CIAPIN1: variants seen among roughly 807,000 people sequenced by gnomAD.
CIAPIN1 encodes cytokine induced apoptosis inhibitor 1.
A neutral mutation model predicts 34.3 loss-of-function variants in CIAPIN1; 18 were observed. The observed-to-expected ratio is 0.52, with a 90% CI of 0.36 to 0.78. CIAPIN1 has a LOEUF of 0.78. Among genes scored for constraint, CIAPIN1 ranks in the 30% least tolerant of loss-of-function variants. The pLI, the probability that CIAPIN1 is intolerant of heterozygous loss-of-function variation, is 0.00. For missense variants in CIAPIN1, 310 were observed against 372.5 expected (o/e 0.83, Z 1.38); for synonymous variants, 131 against 140.4 (o/e 0.93, Z 0.47).
intron 1 of CIAPIN1, among the ~76,000 whole-genome samples, chr16:57,441,609 A>T (rs1389488567): frequency 1.3e-5 from 2 of 152,218 alleles, no homozygotes. Context: ...ACCATTTTAC[A>T]GTCTGGAAAC....
intron 4 of CIAPIN1, among the ~76,000 whole-genome samples, chr16:57,436,429 T>A (rs1337321494): frequency 6.6e-6 from 1 of 151,996 alleles, no homozygotes; most frequent in African/African-American, 2.4e-5. Flanking sequence ...GGGGTTTCAC[T>A]GTGTTAGCCA....
Position 57,430,446 on chromosome 16 carries a change from C to T in CIAPIN1, c.747-107G>A, listed in dbSNP as rs532611406. 3 of 1,008,908 alleles carry T rather than the reference C, an allele frequency of 3.0e-6. No homozygotes were observed. In the East Asian group the frequency reaches 7.3e-5, roughly 25 times the overall value. 62.5% of individuals were successfully genotyped at this position (1,008,908 alleles called of 1,614,324 possible). A position where few individuals can be genotyped will look rare whatever the true frequency, so the allele number is the denominator to read the frequency against. The stretch of plus-strand genomic sequence containing the variant: ...AAGCCTTTTCTCTTCACACCAGTGT[C>T]ATAACTCAGAAGCCTATAGGCCAGG... On this transcript the variant is annotated intron_variant, in intron 7 of 8. Coordinates refer to ENST00000394391, the MANE Select transcript of CIAPIN1 (RefSeq NM_020313.4).
intron 5 of CIAPIN1, among the ~76,000 whole-genome samples, chr16:57,433,273 C>G (rs1488323946): frequency 6.6e-6 from 1 of 152,168 alleles, no homozygotes. Flanking sequence ...GGTAAGAGTA[C>G]CCTCTAGTGA....
chr16:57,440,246 T>C (rs1054108655), intron 2 of CIAPIN1, among the ~76,000 whole-genome samples: 1 of 152,174 alleles, frequency 6.6e-6, no homozygotes. Flanking sequence ...GCTGTCTGCT[T>C]TCAAACCCTG....
At chr16:57,436,924 A>G (rs528855382) in intron 3 of CIAPIN1, among the ~76,000 whole-genome samples, 192 bp from the exon 4 acceptor site, 16 of 151,986 alleles carry the variant, frequency 1.1e-4, no homozygotes, top group Non-Finnish European at 1.5e-4. Context: ...TTCAAGACCA[A>G]TCTGGGGCCA....
At chr16:57,434,668 T>C (rs2146560944) in intron 4 of CIAPIN1, among the ~76,000 whole-genome samples, 1 of 152,342 alleles carries the variant, frequency 6.6e-6, no homozygotes, top group Admixed American at 6.5e-5. Context: ...GTGCCACCTC[T>C]ATGTCCAATA....
chr16:57,439,295 C>T lies in CIAPIN1; in HGVS notation c.197G>A (p.Gly66Asp). The change falls in exon 3 of 9, where the codon GGT becomes GAT. Residue 66 changes from glycine to aspartate, a missense_variant. Physicochemically the swap from Gly to Asp is moderately conservative, Grantham distance 94 (BLOSUM62 -1). Transcript: ENST00000394391. ...CAGAGTGGTGCTTCCTGGGACTAAACCTGACAAAATAATGTCAAAGCTGGA... is the reference window on the plus strand; with the variant it reads ...CAGAGTGGTGCTTCCTGGGACTAAATCTGACAAAATAATGTCAAAGCTGGA... ...KESSFDIILS[G>D]LVPGSTTLHS... 2 of 1,614,100 alleles carry T rather than the reference C, an allele frequency of 1.2e-6. No individual in the cohort carries two copies. The highest frequency in any genetic ancestry group is 1.1e-5 in the South Asian group (1 of 91,080).
In CIAPIN1 at chr16:57,431,140, C is replaced by G; in HGVS notation, c.746+11G>C. ...GGCAGCATGGCAGGCTCCAGTCACC[C>G]CAGCACTCACCAGTTCTTACAGGCC... On this transcript the variant is annotated intron_variant, in intron 7 of 8. Coordinates refer to ENST00000394391, the MANE Select transcript of CIAPIN1 (RefSeq NM_020313.4). The G allele has an allele frequency of 6.4e-7, 1 of 1,574,658 alleles. No individual in the cohort carries two copies. Among genetic ancestry groups the G allele is most frequent in the Non-Finnish European group, 8.7e-7 (1 of 1,145,508 alleles).
intron 7 of CIAPIN1, chr16:57,430,591 T>C: frequency 2.4e-6 from 1 of 415,546 alleles, no homozygotes; most frequent in Non-Finnish European, 4.3e-6. Flanking sequence ...CTGGTTATCA[T>C]GCTGGGGAAA....
chr16:57,434,795 G>A (rs1347660524), intron 4 of CIAPIN1, among the ~76,000 whole-genome samples: 1 of 152,116 alleles, frequency 6.6e-6, no homozygotes, highest in Admixed American at 6.5e-5. Context: ...ATCTAAGGGT[G>A]GGAAAAAAGG....
intron 1 of CIAPIN1, among the ~76,000 whole-genome samples, chr16:57,444,649 T>C (rs184347650): frequency 1.3e-5 from 2 of 152,380 alleles, no homozygotes; most frequent in Admixed American, 6.5e-5. Flanking sequence ...GAGGAGCTTA[T>C]GAACTACATT....
At chr16:57,438,064 C>T (rs1903243691) in intron 3 of CIAPIN1, among the ~76,000 whole-genome samples, 1 of 152,192 alleles carries the variant, frequency 6.6e-6, no homozygotes, top group African/African-American at 2.4e-5. Context: ...TTCTAAGACA[C>T]TACATTTAGT....
chr16:57,441,294 G>A (rs16957076), intron 1 of CIAPIN1: 1,805 of 158,470 alleles, frequency 0.011, 35 homozygotes, highest in African/African-American at 0.041. Context: ...CAGCATGAAC[G>A]GAATGGAAAA....
At chr16:57,441,877 A>G (rs1182822912) in intron 1 of CIAPIN1, among the ~76,000 whole-genome samples, 1 of 152,228 alleles carries the variant, frequency 6.6e-6, no homozygotes, top group East Asian at 1.9e-4. Flanking sequence ...ACCAGTTTCC[A>G]ATTTAAAATA....
Position 57,432,082 on chromosome 16 carries a change from G to C in CIAPIN1, c.630+405C>G, listed in dbSNP as rs563650507. The stretch of plus-strand genomic sequence containing the variant: ...AATCCCAGCACTTTGGGAGGCCGAG[G>C]CGGGCAGATCACTTGAGGTCAGGAG... On this transcript the variant is annotated intron_variant, in intron 6 of 8. Coordinates refer to ENST00000394391, the MANE Select transcript of CIAPIN1 (RefSeq NM_020313.4). Among the ~76,000 whole-genome samples the C allele has an allele frequency of 1.5e-4, 23 of 152,174 alleles. No homozygotes were observed. In the East Asian group the frequency reaches 3.7e-3, roughly 24 times the overall value.
intron 1 of CIAPIN1, among the ~76,000 whole-genome samples, chr16:57,445,503 A>C (rs1280186679): frequency 6.6e-6 from 1 of 152,118 alleles, no homozygotes; most frequent in Non-Finnish European, 1.5e-5. Flanking sequence ...GTGAGACTCC[A>C]TCTCAAAATA....
At chr16:57,433,896 G>GTACATTAAGTATTCTTCTTTGTGGAA in intron 5 of CIAPIN1, 148 bp downstream of exon 5, 2 of 719,018 alleles carry the variant, frequency 2.8e-6, no homozygotes, top group Admixed American at 4.5e-5. Context: ...CATGATAATA[G>GTACATTAAGTATTCTTCTTTGTGGAA]TACATTAAGT....
chr16:57,436,813 G>C (rs748386738), intron 3 of CIAPIN1, 81 bp from the exon 4 acceptor site: 24 of 1,130,262 alleles, frequency 2.1e-5, no homozygotes, highest in Non-Finnish European at 2.8e-5. Context: ...ATATGGGTTC[G>C]CAGGCATTCA....
chr16:57,433,316 C>T (rs1281220129), intron 5 of CIAPIN1, among the ~76,000 whole-genome samples: 1 of 152,198 alleles, frequency 6.6e-6, no homozygotes, highest in Non-Finnish European at 1.5e-5. Context: ...ATACCTTCCA[C>T]AAGGCCAACT....
Sources: gnomAD v4.1 joint callset for allele counts (sites outside exome capture counted in the v4.1 genomes callset) on GRCh38, gnomAD v4.1.1 for gene constraint, MANE v1.5 for transcripts, NCBI Gene and HGNC (gene_info 2026-07-23, HGNC 2026-07-21) for gene names.